RNF43: variants seen among roughly 807,000 people sequenced by gnomAD.
RNF43 encodes the protein ring finger protein 43, also known as E3 ubiquitin-protein ligase RNF43.
In RNF43, 37 loss-of-function variants were observed where a neutral mutation model predicts 78.4. The observed-to-expected ratio is 0.47, with a 90% CI of 0.36 to 0.62. The LOEUF (loss-of-function observed/expected upper bound fraction) is 0.62, where lower values mean the gene tolerates loss of function less well. Among genes scored for constraint, RNF43 ranks in the 20% least tolerant of loss-of-function variants. RNF43 has a pLI of 0.00. For missense variants in RNF43, 774 were observed against 1,007.9 expected, an observed-to-expected ratio of 0.77 and a Z score of 3.14; for synonymous variants, 347 against 395.0, an observed-to-expected ratio of 0.88 and a Z score of 1.44.
At chr17:58,401,696 T>A (rs932003106) in intron 2 of RNF43, among the ~76,000 whole-genome samples, 1 of 151,984 alleles carries the variant, frequency 6.6e-6, no homozygotes, top group African/African-American at 2.4e-5. Context: ...TCAGGAGAAA[T>A]AAGACTATGA....
Position 58,360,715 on chromosome 17 carries a change from G to A in RNF43, c.849+68C>T, listed in dbSNP as rs1049722758. 54 of 1,503,654 alleles carry A rather than the reference G, an allele frequency of 3.6e-5. No homozygotes were observed. In the African/African-American group the frequency reaches 7.1e-4, roughly 20 times the overall value. 93.1% of individuals were successfully genotyped at this position (1,503,654 alleles called of 1,614,324 possible). On this transcript the variant is annotated intron_variant, in intron 7 of 9. Coordinates refer to ENST00000407977, the MANE Select transcript of RNF43 (RefSeq NM_017763.6). The surrounding 1 kb of genome is among the most constrained non-coding windows in gnomAD (Gnocchi z 4.3). ...GGTACCCATACCAGCCCCTAGGCCTGCCCACCCCTCCCCCAGCTTCAATCT... is the reference window on the plus strand; with the variant it reads ...GGTACCCATACCAGCCCCTAGGCCTACCCACCCCTCCCCCAGCTTCAATCT...
chr17:58,356,121 G>A (rs1193187249), intron 9 of RNF43, among the ~76,000 whole-genome samples: 1 of 152,212 alleles, frequency 6.6e-6, no homozygotes, highest in Non-Finnish European at 1.5e-5. Context: ...AAAGCTTGCA[G>A]TACATGGCTC....
In RNF43 at chr17:58,400,080, T is replaced by C. The variant is rs553248095; in HGVS notation, c.252+15246A>G. Among the ~76,000 whole-genome samples, 11 of 152,314 alleles carry C rather than the reference T, an allele frequency of 7.2e-5. 1 individual carries two copies. The highest frequency in any genetic ancestry group is 4.1e-4 in the South Asian group (2 of 4,824). ...CTGCTTTGTGTCAGTGATCACCTCA[T>C]TGATCATGGAAGGAAGCTAATGGGG... On this transcript the variant is annotated intron_variant, in intron 2 of 9. Transcript: ENST00000407977.
intron 2 of RNF43, among the ~76,000 whole-genome samples, chr17:58,387,487 C>G (rs890650243): frequency 6.6e-6 from 1 of 151,866 alleles, no homozygotes; most frequent in African/African-American, 2.4e-5. Flanking sequence ...CCCATCTCTA[C>G]TAAAAATACA....
intron 2 of RNF43, among the ~76,000 whole-genome samples, chr17:58,407,977 G>C (rs2143668619): frequency 6.6e-6 from 1 of 152,302 alleles, no homozygotes; most frequent in East Asian, 1.9e-4. Flanking sequence ...TATTTGGAGA[G>C]CAGAATTCAT....
intron 2 of RNF43, among the ~76,000 whole-genome samples, chr17:58,410,201 A>G (rs1973999747): frequency 6.6e-6 from 1 of 152,242 alleles, no homozygotes; most frequent in Non-Finnish European, 1.5e-5. Context: ...CTGTTTGATG[A>G]TAACTTATAA....
chr17:58,397,831 C>T (rs1405241671), intron 2 of RNF43, among the ~76,000 whole-genome samples: 1 of 152,136 alleles, frequency 6.6e-6, no homozygotes, highest in African/African-American at 2.4e-5. Flanking sequence ...TTGCTATTGC[C>T]ACAAATAGCT....
chr17:58,407,199 C>T (rs1049744779), intron 2 of RNF43, among the ~76,000 whole-genome samples: 32 of 151,666 alleles, frequency 2.1e-4, no homozygotes, highest in African/African-American at 7.7e-4. Context: ...CTGCCTCAGC[C>T]TCCTGAGTAG....
At chr17:58,394,575 G>A (rs568882624) in intron 2 of RNF43, among the ~76,000 whole-genome samples, 1 of 152,342 alleles carries the variant, frequency 6.6e-6, no homozygotes, top group South Asian at 2.1e-4. Flanking sequence ...GTGGGTGAGA[G>A]TACACCTGGA....
chr17:58,375,064 G>A (rs1298088543), intron 2 of RNF43, among the ~76,000 whole-genome samples: 1 of 152,026 alleles, frequency 6.6e-6, no homozygotes, highest in Non-Finnish European at 1.5e-5. Flanking sequence ...CTAAATATTT[G>A]TCTTATTTTA....
intron 6 of RNF43, among the ~76,000 whole-genome samples, chr17:58,361,309 T>C (rs994746827): frequency 6.6e-6 from 1 of 152,250 alleles, no homozygotes. Context: ...TTCCCCATTA[T>C]AGCAAATGGC....
chr17:58,394,013 G>A (rs1280224990), intron 2 of RNF43, among the ~76,000 whole-genome samples: 2 of 152,180 alleles, frequency 1.3e-5, no homozygotes, highest in South Asian at 2.1e-4. Context: ...CTGAGATTGC[G>A]CCACTGCACT....
intron 2 of RNF43, among the ~76,000 whole-genome samples, chr17:58,402,905 G>A (rs954887962): frequency 6.6e-5 from 10 of 152,098 alleles, no homozygotes; most frequent in Admixed American, 1.3e-4. Flanking sequence ...AGGAATGCAG[G>A]GAATGTGGCT....
chr17:58,395,333 C>T (rs972201193), intron 2 of RNF43, among the ~76,000 whole-genome samples: 33 of 152,202 alleles, frequency 2.2e-4, no homozygotes, highest in African/African-American at 7.2e-4. Flanking sequence ...AGTTCCCTAG[C>T]TTTAAATGTA....
chr17:58,357,196 C>G lies in RNF43; in HGVS notation c.2308+272G>C. On this transcript the variant is annotated intron_variant, in intron 9 of 9. Coordinates refer to ENST00000407977, the MANE Select transcript of RNF43 (RefSeq NM_017763.6). The surrounding 1 kb of genome is among the most constrained non-coding windows in gnomAD (Gnocchi z 4.5). ...GGCATGAGCCATCACACCCGGCCTT[C>G]CAAGTGCCTTTCTGATGCCTCAGCC... 1.4e-6 allele frequency: 1 copy of G among 703,584 alleles called. No individual in the cohort carries two copies. The highest frequency in any genetic ancestry group is 1.5e-5 in the South Asian group (1 of 67,578). The allele number at this position is 703,584 out of a possible 1,614,324, so 43.6% of individuals were successfully genotyped here. A position where few individuals can be genotyped will look rare whatever the true frequency, so the allele number is the denominator to read the frequency against.
At position 58,357,759 on chromosome 17, in the gene RNF43, T is replaced by G. The variant is rs2143392860; in HGVS notation, c.2017A>C (p.Thr673Pro). The change falls in exon 9 of 10, where the codon ACT (threonine) becomes CCT (proline). Residue 673 changes from threonine to proline, a missense_variant. Physicochemically the swap from Thr to Pro is conservative, Grantham distance 38. Transcript: ENST00000407977. This position sits in a 1 kb window ranked among gnomAD's most constrained non-coding sequence, Gnocchi z 4.5. ...AAAATCTGGCAAGCTGGGTGCACAGTTGCATCCTGGGGCCGAGAGCCAGGG... is the reference window on the plus strand; with the variant it reads ...AAAATCTGGCAAGCTGGGTGCACAGGTGCATCCTGGGGCCGAGAGCCAGGG... ...PTPGSRPQDA[T>P]VHPACQIFPH... 1 of 1,613,444 alleles carries G rather than the reference T, an allele frequency of 6.2e-7. No individual in the cohort carries two copies. The highest frequency in any genetic ancestry group is 8.5e-7 in the Non-Finnish European group (1 of 1,179,686).
intron 2 of RNF43, among the ~76,000 whole-genome samples, chr17:58,385,559 C>A (rs1973413518): frequency 6.6e-6 from 1 of 152,182 alleles, no homozygotes; most frequent in Non-Finnish European, 1.5e-5. Context: ...TTTCACCATT[C>A]TAAAGCTCTC....
intron 2 of RNF43, among the ~76,000 whole-genome samples, chr17:58,399,895 C>A (rs990622813): frequency 6.6e-6 from 1 of 152,130 alleles, no homozygotes; most frequent in Non-Finnish European, 1.5e-5. Flanking sequence ...CCGCCTCAGC[C>A]TCCCAAAGTA....
At chr17:58,391,857 C>T (rs1973567683) in intron 2 of RNF43, among the ~76,000 whole-genome samples, 1 of 152,162 alleles carries the variant, frequency 6.6e-6, no homozygotes, top group African/African-American at 2.4e-5. Flanking sequence ...GCTGGGGACA[C>T]TGAGTTTCCA....
Sources: allele counts gnomAD v4.1 joint callset (sites outside exome capture counted in the v4.1 genomes callset), GRCh38; gene constraint gnomAD v4.1.1; non-coding constraint Gnocchi (gnomAD v3.1); transcripts MANE v1.5; gene names NCBI Gene and HGNC (gene_info 2026-07-23, HGNC 2026-07-21).